The following TRIM14 variants were observed in gnomAD, a reference collection of about 807,000 sequenced individuals.
The protein encoded by TRIM14 is tripartite motif-containing protein 14.
In TRIM14, 28 loss-of-function variants were observed where a neutral mutation model predicts 44.5. The observed-to-expected ratio is 0.63, with a 90% CI of 0.47 to 0.86. The LOEUF (loss-of-function observed/expected upper bound fraction) is 0.86. TRIM14 is among the 40% of genes least tolerant of loss of function. The pLI is 0.00. For synonymous variants in TRIM14, 299 were observed against 269.2 expected (o/e 1.11, Z -1.08); for missense variants, 607 against 611.1 (o/e 0.99, Z 0.07).
downstream of TRIM14, among the ~76,000 whole-genome samples, chr9:98,068,488 A>G (rs753844269): frequency 1.3e-5 from 2 of 151,370 alleles, no homozygotes; most frequent in South Asian, 2.1e-4. Flanking sequence ...CCACAATGTG[A>G]TATCACTGCA....
At chr9:98,041,328 C>G in the TRIM14 span, among the ~76,000 whole-genome samples, 1 of 151,804 alleles carries the variant, frequency 6.6e-6, no homozygotes, top group Non-Finnish European at 1.5e-5. Flanking sequence ...AATTTTTTCT[C>G]TCTCCATTCT....
chr9:98,099,826 T>TCTTGTCA, intron 3 of TRIM14, 105 bp downstream of exon 3: 1 of 952,966 alleles, frequency 1.0e-6, no homozygotes, highest in Non-Finnish European at 1.6e-6. Context: ...AAGACAATAG[T>TCTTGTCA]CCATGTACTT....
chr9:98,063,402 C>T, the TRIM14 span, among the ~76,000 whole-genome samples: 36 of 151,766 alleles, frequency 2.4e-4, 1 homozygote, highest in African/African-American at 8.7e-4. Flanking sequence ...CCACCAGGCC[C>T]AGCTAAATTT....
At chr9:98,088,324 C>T (rs1825872796) in intron 5 of TRIM14, among the ~76,000 whole-genome samples, 1 of 151,048 alleles carries the variant, frequency 6.6e-6, no homozygotes, top group Admixed American at 6.6e-5. Context: ...CTATCTTTCC[C>T]CTCCCCTTGC....
At chr9:98,056,725 G>GT in the TRIM14 span, 1 of 1,520,316 alleles carries the variant, frequency 6.6e-7, no homozygotes, top group South Asian at 1.2e-5. Flanking sequence ...GTCTCGCAGC[G>GT]TTGCTCACAG....
chr9:98,063,086 G>A, the TRIM14 span, among the ~76,000 whole-genome samples: 1 of 151,324 alleles, frequency 6.6e-6, no homozygotes, highest in Non-Finnish European at 1.5e-5. Context: ...CACCAGGCCT[G>A]GCTGATTTTT....
intron 6 of TRIM14, among the ~76,000 whole-genome samples, chr9:98,070,046 C>A (rs971019111): frequency 2.0e-5 from 3 of 152,272 alleles, no homozygotes; most frequent in African/African-American, 7.2e-5. Flanking sequence ...TGTGTTCTTT[C>A]TTACAGTTGC....
chr9:98,077,988 G>C (rs1395613099), intron 6 of TRIM14: 2 of 619,752 alleles, frequency 3.2e-6, no homozygotes, highest in Non-Finnish European at 5.5e-6. Flanking sequence ...AACACTGTCG[G>C]GGGGCAGAGG....
chr9:98,101,957 G>C (rs1475312595), intron 2 of TRIM14, among the ~76,000 whole-genome samples: 1 of 147,458 alleles, frequency 6.8e-6, no homozygotes, highest in Admixed American at 6.9e-5. Flanking sequence ...GCAGTGAGCT[G>C]AGATCAGGCC....
intron 4 of TRIM14, among the ~76,000 whole-genome samples, chr9:98,093,705 T>A (rs1026401496): frequency 1.4e-4 from 21 of 151,788 alleles, no homozygotes; most frequent in Non-Finnish European, 1.2e-4. Context: ...CTCCTCCTTG[T>A]CACTTTCCTG....
chr9:98,103,505 T>A (rs1826479168), intron 2 of TRIM14, among the ~76,000 whole-genome samples: 1 of 152,064 alleles, frequency 6.6e-6, no homozygotes, highest in African/African-American at 2.4e-5. Flanking sequence ...GTTTAAATTT[T>A]AAAAAATGAC....
the TRIM14 span, among the ~76,000 whole-genome samples, chr9:98,044,107 G>A: frequency 3.3e-5 from 5 of 150,936 alleles, no homozygotes; most frequent in African/African-American, 1.2e-4. Flanking sequence ...GCACTCCATA[G>A]TGTGTCACCA....
Position 98,109,905 on chromosome 9 carries a change from G to A in TRIM14, c.287C>T (p.Ala96Val). The change falls in exon 2 of 6, where the codon GCC becomes GTC. Residue 96 changes from alanine to valine, a missense_variant. Physicochemically the swap from Ala to Val is moderately conservative, Grantham distance 64. Coordinates refer to ENST00000341469, the MANE Select transcript of TRIM14 (RefSeq NM_014788.4). ...HIDNITQIED[A>V]TEKLKANAES... ...TCCACTTGCCTTGAGCTTCTCGGTG[G>A]CATCTTCTATCTGGGTTATGTTGTC... 1 of 1,613,356 alleles carries A rather than the reference G, an allele frequency of 6.2e-7. No homozygotes were observed. The highest frequency in any genetic ancestry group is 8.5e-7 in the Non-Finnish European group (1 of 1,179,602).
At chr9:98,093,051 C>T (rs910484239) in intron 4 of TRIM14, among the ~76,000 whole-genome samples, 1 of 152,248 alleles carries the variant, frequency 6.6e-6, no homozygotes, top group Non-Finnish European at 1.5e-5. Context: ...GATACCACCA[C>T]ATGGGAAGTC....
intron 5 of TRIM14, 140 bp downstream of exon 5, chr9:98,091,769 A>G: frequency 2.1e-6 from 1 of 465,426 alleles, no homozygotes; most frequent in Non-Finnish European, 3.3e-6. Context: ...AACATTTTTT[A>G]AAAAACAAGT....
intron 6 of TRIM14, among the ~76,000 whole-genome samples, chr9:98,077,364 C>T (rs1197738740): frequency 1.3e-5 from 2 of 150,410 alleles, no homozygotes; most frequent in East Asian, 3.9e-4. Context: ...TTTAGAAATT[C>T]TTTTTAAGAA....
chr9:98,087,781 C>T lies in TRIM14; in HGVS notation c.1018G>A (p.Ala340Thr). Residue 340 changes from alanine (A) to threonine (T), a missense_variant, in exon 6 of 6, where the codon GCC becomes ACC. Coordinates refer to ENST00000341469, the MANE Select transcript of TRIM14 (RefSeq NM_014788.4). ...EAGAGWWVGA[A>T]YASLRRRGAS... ...CCGCGGCGCCGAAGGGAGGCGTAGGCCGCGCCCACCCACCAGCCGGCGCCC... is the reference window on the plus strand; with the variant it reads ...CCGCGGCGCCGAAGGGAGGCGTAGGTCGCGCCCACCCACCAGCCGGCGCCC... 1 of 1,505,062 alleles carries T rather than the reference C, an allele frequency of 6.6e-7. No homozygotes were observed. Among genetic ancestry groups the T allele is most frequent in the Admixed American group, 2.3e-5 (1 of 43,412 alleles). The allele number at this position is 1,505,062 out of a possible 1,614,324, so 93.2% of individuals were successfully genotyped here.
At chr9:98,088,058 C>G (rs1587942887) in intron 5 of TRIM14, 53 bp from the exon 6 acceptor site, 12 of 1,397,546 alleles carry the variant, frequency 8.6e-6, no homozygotes, top group Non-Finnish European at 1.1e-5. Flanking sequence ...AGCGCGGCGC[C>G]CCGCCCCCGG....
chr9:98,078,429 AAACATGGCATACTTTATAATTTG>A, intron 6 of TRIM14: 1 of 1,473,788 alleles, frequency 6.8e-7, no homozygotes, highest in Non-Finnish European at 9.2e-7. Context: ...AAATTCTAAC[AAACATGGCATACTTTATAATTTG>A]AACATCCTTT....
Sources: allele counts gnomAD v4.1 joint callset (sites outside exome capture counted in the v4.1 genomes callset), GRCh38; gene constraint gnomAD v4.1.1; transcripts MANE v1.5; gene names NCBI Gene and HGNC (gene_info 2026-07-23, HGNC 2026-07-21).